Variants in RUNX2 observed in about 807,000 individuals in gnomAD.
RUNX2 encodes runt-related transcription factor 2.
In RUNX2, 10 loss-of-function variants were observed where a neutral mutation model predicts 51.7. That is an observed-to-expected ratio of 0.19 (90% confidence interval 0.12 to 0.33). RUNX2 has a LOEUF of 0.33. RUNX2 is among the 10% of genes least tolerant of loss of function. The probability of loss-of-function intolerance (pLI) is 1.00; values close to 1 mark genes in which losing one functional copy is unlikely to be tolerated. For synonymous variants in RUNX2, 276 were observed against 273.6 expected (o/e 1.01, Z -0.09); for missense variants, 562 against 691.3 (o/e 0.81, Z 2.10).
Position 45,535,206 on chromosome 6 carries a change from T to C in RUNX2, c.1022-10011T>C, listed in dbSNP as rs565525458. ...CAAACCTCCGAGTCACAAGTTTATC[T>C]ATGTAACAAACCTGCACATGTACCC... is the stretch of plus-strand genomic sequence containing the variant. On this transcript the variant is annotated intron_variant, in intron 7 of 8. Coordinates refer to ENST00000647337, the MANE Select transcript of RUNX2 (RefSeq NM_001024630.4). Among the ~76,000 whole-genome samples the C allele has an allele frequency of 2.0e-5, 3 of 152,158 alleles. No individual in the cohort carries two copies. In the East Asian group the frequency reaches 5.8e-4, roughly 29 times the overall value.
intron 5 of RUNX2, among the ~76,000 whole-genome samples, chr6:45,491,167 G>A (rs998466666): frequency 7.9e-5 from 12 of 152,146 alleles, no homozygotes; most frequent in East Asian, 3.9e-4. Context: ...CCCCCCCTCC[G>A]CCAAATAATG....
chr6:45,506,514 C>A (rs1218463343), intron 6 of RUNX2, among the ~76,000 whole-genome samples: 1 of 151,954 alleles, frequency 6.6e-6, no homozygotes, highest in Non-Finnish European at 1.5e-5. Flanking sequence ...ATATCATATC[C>A]ATATAAAAAC....
At chr6:45,354,568 C>T (rs527310704) in intron 2 of RUNX2, among the ~76,000 whole-genome samples, 65 of 152,114 alleles carry the variant, frequency 4.3e-4, no homozygotes, top group Middle Eastern at 3.4e-3. Flanking sequence ...TAATAAGGGG[C>T]TTCACTGCAT....
At chr6:45,411,873 A>G (rs1003532680) in intron 2 of RUNX2, among the ~76,000 whole-genome samples, 1 of 152,224 alleles carries the variant, frequency 6.6e-6, no homozygotes, top group African/African-American at 2.4e-5. Flanking sequence ...CCACATTTCC[A>G]GTAATCCTGG....
chr6:45,449,925 AC>A (rs1286399675), intron 5 of RUNX2, among the ~76,000 whole-genome samples: 41 of 152,346 alleles, frequency 2.7e-4, no homozygotes, highest in African/African-American at 8.7e-4. Flanking sequence ...ACTAATAATA[AC>A]AAAGAAGAAG....
chr6:45,384,863 G>A (rs1046949422), intron 2 of RUNX2, among the ~76,000 whole-genome samples: 2 of 151,378 alleles, frequency 1.3e-5, no homozygotes, highest in African/African-American at 4.9e-5. Flanking sequence ...ACCATACCCT[G>A]TTAATTTTTT....
intron 7 of RUNX2, among the ~76,000 whole-genome samples, chr6:45,538,736 T>A (rs1802118317): frequency 6.6e-6 from 1 of 152,058 alleles, no homozygotes; most frequent in Non-Finnish European, 1.5e-5. Flanking sequence ...CATTATGAAT[T>A]TCATGGAAAC....
intron 2 of RUNX2, among the ~76,000 whole-genome samples, chr6:45,342,773 A>G (rs919954122): frequency 2.6e-5 from 4 of 152,182 alleles, no homozygotes; most frequent in Non-Finnish European, 4.4e-5. Flanking sequence ...TCCTGAACCC[A>G]TACAAAAAAA....
At chr6:45,505,322 A>T (rs1044311751) in intron 6 of RUNX2, among the ~76,000 whole-genome samples, 3 of 148,472 alleles carry the variant, frequency 2.0e-5, no homozygotes, top group African/African-American at 7.4e-5. Context: ...AGAGAATTGG[A>T]TATGTTTTCC....
In RUNX2 at chr6:45,549,216, G is replaced by C; in HGVS notation, c.*1911G>C. On this transcript the variant is annotated 3_prime_UTR_variant, in exon 9 of 9. Coordinates refer to ENST00000647337, the MANE Select transcript of RUNX2 (RefSeq NM_001024630.4). The stretch of plus-strand genomic sequence containing the variant: ...CAATCCCTGCTCTCCTCCCCGAAAA[G>C]TCAGGGTCCCTTCATTGGAATCCTC... 5.0e-6 allele frequency: 2 copies of C among 398,540 alleles called. No individual in the cohort carries two copies. The allele number at this position is 398,540 out of a possible 1,614,324, so 24.7% of individuals were successfully genotyped here. A position where few individuals can be genotyped will look rare whatever the true frequency, so the allele number is the denominator to read the frequency against.
Position 45,471,047 on chromosome 6 carries a change from A to T in RUNX2, c.686-20894A>T, listed in dbSNP as rs569859972. On this transcript the variant is annotated intron_variant, in intron 5 of 8. Transcript: ENST00000647337. Reference sequence around the variant, plus strand: ...AACGGTATAGCTTTTCAGTTTTGCTAGTTAGAGCCAAGATGATAGAAAGCC... The same window carrying T: ...AACGGTATAGCTTTTCAGTTTTGCTTGTTAGAGCCAAGATGATAGAAAGCC... Among the ~76,000 whole-genome samples, 3 of 152,286 alleles carry T rather than the reference A, an allele frequency of 2.0e-5. No homozygotes were observed. The South Asian group carries it at 6.2e-4, about 32-fold the overall frequency.
intron 2 of RUNX2, among the ~76,000 whole-genome samples, chr6:45,379,589 A>G (rs909486964): frequency 1.3e-5 from 2 of 152,232 alleles, no homozygotes; most frequent in Middle Eastern, 3.4e-3. Flanking sequence ...CACACAGGCC[A>G]GGCGCGGTGG....
intron 2 of RUNX2, chr6:45,377,329 G>A (rs780733181): frequency 2.0e-5 from 3 of 152,100 alleles, no homozygotes; most frequent in Admixed American, 6.6e-5. Context: ...GAACACAGCG[G>A]ATCTTTTCCT....
At chr6:45,336,934 T>C (rs896632983) in intron 2 of RUNX2, among the ~76,000 whole-genome samples, 11 of 151,786 alleles carry the variant, frequency 7.2e-5, no homozygotes, top group African/African-American at 2.6e-4. Flanking sequence ...TTACTCATTA[T>C]TATAAACTGG....
chr6:45,453,283 C>T (rs1180067750), intron 5 of RUNX2, among the ~76,000 whole-genome samples: 1 of 152,146 alleles, frequency 6.6e-6, no homozygotes, highest in Non-Finnish European at 1.5e-5. Flanking sequence ...TTGGTTTCCT[C>T]CTGTTGTTTA....
chr6:45,457,119 GA>G (rs1024794462), intron 5 of RUNX2, among the ~76,000 whole-genome samples: 20 of 151,428 alleles, frequency 1.3e-4, no homozygotes, highest in East Asian at 7.7e-4. Flanking sequence ...TACATGTGAA[GA>G]AAAAAAAATT....
chr6:45,535,051 T>C (rs1801987428), intron 7 of RUNX2, among the ~76,000 whole-genome samples: 1 of 152,014 alleles, frequency 6.6e-6, no homozygotes, highest in Admixed American at 6.6e-5. Flanking sequence ...TGAGAACACA[T>C]GGACACATAG....
At chr6:45,372,422 G>A (rs1796201860) in intron 2 of RUNX2, among the ~76,000 whole-genome samples, 1 of 152,164 alleles carries the variant, frequency 6.6e-6, no homozygotes. Context: ...CTCAAAGAAT[G>A]TTATGACTAA....
At chr6:45,351,800 T>G (rs1792108239) in intron 2 of RUNX2, among the ~76,000 whole-genome samples, 1 of 152,284 alleles carries the variant, frequency 6.6e-6, no homozygotes, top group South Asian at 2.1e-4. Context: ...TTCAAATACC[T>G]AAATTAACCC....
Sources: allele counts gnomAD v4.1 joint callset (sites outside exome capture counted in the v4.1 genomes callset), GRCh38; gene constraint gnomAD v4.1.1; transcripts MANE v1.5; gene names NCBI Gene and HGNC (gene_info 2026-07-23, HGNC 2026-07-21).